Variants in PHACTR3 observed in about 807,000 individuals in gnomAD.
PHACTR3 encodes phosphatase and actin regulator 3.
PHACTR3 carries 16 observed loss-of-function variants against 66.8 expected under a neutral mutation model. That is an observed-to-expected ratio of 0.24 (90% CI 0.16 to 0.36). The LOEUF is 0.36. Among genes scored for constraint, PHACTR3 ranks in the 10% least tolerant of loss-of-function variants. The pLI is 1.00. For synonymous variants in PHACTR3, 323 were observed against 292.1 expected, an observed-to-expected ratio of 1.11 and a Z score of -1.08; for missense variants, 647 against 719.9, an observed-to-expected ratio of 0.90 and a Z score of 1.16.
At chr20:59,774,111 A>C (rs374640344) in intron 6 of PHACTR3, 132 bp from the exon 7 acceptor site, 2 of 1,169,434 alleles carry the variant, frequency 1.7e-6, no homozygotes, top group Non-Finnish European at 1.2e-6. Context: ...TGGTGTGTCC[A>C]GGATAAAAAC....
chr20:59,760,082 C>A (rs1408232886), intron 4 of PHACTR3, among the ~76,000 whole-genome samples: 1 of 152,064 alleles, frequency 6.6e-6, no homozygotes, highest in Non-Finnish European at 1.5e-5. Context: ...GGAGAGGGGT[C>A]ATCAAAAAGC....
intron 1 of PHACTR3, among the ~76,000 whole-genome samples, chr20:59,657,272 T>C (rs938770562): frequency 6.6e-6 from 1 of 151,942 alleles, no homozygotes; most frequent in Non-Finnish European, 1.5e-5. Context: ...TGTGTGTGTG[T>C]GTGTGTGTGT....
intron 1 of PHACTR3, among the ~76,000 whole-genome samples, chr20:59,662,674 G>A (rs1311989595): frequency 6.6e-6 from 1 of 152,100 alleles, no homozygotes; most frequent in Non-Finnish European, 1.5e-5. Context: ...TTTTAAGAGA[G>A]CCCTCTGGAG....
intron 1 of PHACTR3, among the ~76,000 whole-genome samples, chr20:59,660,517 C>A (rs1186115146): frequency 6.6e-6 from 1 of 152,154 alleles, no homozygotes; most frequent in African/African-American, 2.4e-5. Flanking sequence ...AAACAAAAAA[C>A]TCACTCTGTG....
At chr20:59,810,122 A>G (rs1459183903) in intron 8 of PHACTR3, among the ~76,000 whole-genome samples, 5 of 152,212 alleles carry the variant, frequency 3.3e-5, no homozygotes, top group Non-Finnish European at 7.4e-5. Flanking sequence ...AAGATAGTAC[A>G]TGTGGTTCAA....
At chr20:59,781,633 T>TTTTTATTTATCA (rs2040729700) in intron 7 of PHACTR3, among the ~76,000 whole-genome samples, 2 of 152,202 alleles carry the variant, frequency 1.3e-5, no homozygotes, top group African/African-American at 4.8e-5. Context: ...ATCTGATATT[T>TTTTTATTTATCA]GTACATTATT....
intron 1 of PHACTR3, among the ~76,000 whole-genome samples, chr20:59,718,848 G>A (rs1165566336): frequency 2.0e-5 from 3 of 152,250 alleles, no homozygotes; most frequent in Non-Finnish European, 4.4e-5. Flanking sequence ...TGTCTATCCT[G>A]TGTTGCAAGC....
intron 5 of PHACTR3, among the ~76,000 whole-genome samples, chr20:59,770,877 T>C (rs1167005202): frequency 6.6e-6 from 1 of 152,238 alleles, no homozygotes; most frequent in Non-Finnish European, 1.5e-5. Context: ...AACGCTCAAC[T>C]CTGCGGGATG....
chr20:59,657,839 G>A (rs1485071190), intron 1 of PHACTR3, among the ~76,000 whole-genome samples: 1 of 152,074 alleles, frequency 6.6e-6, no homozygotes, highest in Non-Finnish European at 1.5e-5. Context: ...GTATAGATTA[G>A]GGTTTTTTCG....
In PHACTR3 at chr20:59,847,219, ACTACCCTAC is replaced by A; in HGVS notation, c.*92_*100del. The stretch of plus-strand genomic sequence containing the variant: ...GAACTTTCCTGAAGTTCAGCTCAAG[ACTACCCTAC>A]CTGCTGTGTTTGTGAGAAGAGTAGG... On this transcript the variant is annotated 3_prime_UTR_variant, in exon 13 of 13. Transcript: ENST00000371015. The A allele has an allele frequency of 2.1e-6, 2 of 958,766 alleles. No individual in the cohort carries two copies. Among genetic ancestry groups the A allele is most frequent in the African/African-American group, 3.2e-5 (2 of 62,240 alleles). The allele number at this position is 958,766 out of a possible 1,614,324, so 59.4% of individuals were successfully genotyped here. A position where few individuals can be genotyped will look rare whatever the true frequency, so the allele number is the denominator to read the frequency against.
chr20:59,734,328 T>G lies in PHACTR3; in HGVS notation c.119-8779T>G, dbSNP rs79002752. The stretch of plus-strand genomic sequence containing the variant: ...GCTGGAGCACAGTGGTGCAATTCAC[T>G]GTAACCTGGAATTCCTGAGCTCAAG... On this transcript the variant is annotated intron_variant, in intron 1 of 12. Coordinates refer to ENST00000371015, the MANE Select transcript of PHACTR3 (RefSeq NM_080672.5). Among the ~76,000 whole-genome samples, 1,446 of 152,260 alleles carry G rather than the reference T, an allele frequency of 9.5e-3. 17 individuals carry two copies. The highest frequency in any genetic ancestry group is 0.031 in the Middle Eastern group (9 of 294).
intron 3 of PHACTR3, among the ~76,000 whole-genome samples, chr20:59,749,162 T>A (rs2039485251): frequency 6.6e-6 from 1 of 152,192 alleles, no homozygotes; most frequent in Admixed American, 6.5e-5. Flanking sequence ...GCTAGAAATC[T>A]GGAGGATTTT....
chr20:59,666,956 C>CT (rs1475939851), intron 1 of PHACTR3, among the ~76,000 whole-genome samples: 2 of 152,146 alleles, frequency 1.3e-5, no homozygotes, highest in African/African-American at 2.4e-5. Flanking sequence ...CTTTCATTAC[C>CT]TTTGAGGGTC....
chr20:59,672,080 G>A (rs7261185), intron 1 of PHACTR3, among the ~76,000 whole-genome samples: 41,810 of 152,198 alleles, frequency 0.27, 6,871 homozygotes, highest in African/African-American at 0.45. Context: ...GTTCTCAAAT[G>A]TGGGCAGTTT....
At chr20:59,834,212 C>A (rs986478817) in intron 8 of PHACTR3, among the ~76,000 whole-genome samples, 2 of 152,138 alleles carry the variant, frequency 1.3e-5, no homozygotes, top group African/African-American at 4.8e-5. Context: ...TTTTTCATTT[C>A]TATTGCTCTA....
At chr20:59,667,399 C>G (rs2036029451) in intron 1 of PHACTR3, among the ~76,000 whole-genome samples, 1 of 152,214 alleles carries the variant, frequency 6.6e-6, no homozygotes, top group South Asian at 2.1e-4. Flanking sequence ...TCCCAACTAG[C>G]CCGTCTCATT....
intron 1 of PHACTR3, among the ~76,000 whole-genome samples, chr20:59,661,363 A>C (rs1191123666): frequency 6.6e-6 from 1 of 152,098 alleles, no homozygotes; most frequent in African/African-American, 2.4e-5. Flanking sequence ...AAGGTGGGGA[A>C]GGGGGGAGCA....
intron 8 of PHACTR3, among the ~76,000 whole-genome samples, chr20:59,807,912 G>A (rs1278636915): frequency 7.9e-5 from 12 of 152,170 alleles, no homozygotes; most frequent in East Asian, 7.7e-4. Flanking sequence ...CCCATCTGCC[G>A]TCTGGCTGTG....
chr20:59,737,515 T>A (rs532708675), intron 1 of PHACTR3, among the ~76,000 whole-genome samples: 1 of 127,246 alleles, frequency 7.9e-6, no homozygotes, highest in African/African-American at 2.5e-5. Flanking sequence ...TGTGCGTGCA[T>A]GTGTGCGTGT....
Sources: gnomAD v4.1 joint callset for allele counts (sites outside exome capture counted in the v4.1 genomes callset) on GRCh38, gnomAD v4.1.1 for gene constraint, MANE v1.5 for transcripts, NCBI Gene and HGNC (gene_info 2026-07-23, HGNC 2026-07-21) for gene names.